SHANK1: variants seen among roughly 807,000 people sequenced by gnomAD.
SHANK1 encodes the protein SH3 and multiple ankyrin repeat domains 1, also known as SH3 and multiple ankyrin repeat domains protein 1.
In SHANK1, 35 loss-of-function variants were observed where a neutral mutation model predicts 165.6. That is an observed-to-expected ratio of 0.21 (90% confidence interval 0.16 to 0.28). The LOEUF is 0.28. Among genes scored for constraint, SHANK1 ranks in the 10% least tolerant of loss-of-function variants. The pLI, the probability that SHANK1 is intolerant of heterozygous loss-of-function variation, is 1.00. For synonymous variants in SHANK1, 1,428 were observed against 1,384.8 expected (o/e 1.03, Z -0.69); for missense variants, 2,681 against 3,036.4 (o/e 0.88, Z 2.75).
intron 21 of SHANK1, among the ~76,000 whole-genome samples, chr19:50,678,715 A>C (rs1443482157): frequency 1.8e-5 from 2 of 108,788 alleles, no homozygotes; most frequent in East Asian, 5.9e-4. Flanking sequence ...AAAGAGAGAC[A>C]GTGGAGGAGT....
intron 8 of SHANK1, among the ~76,000 whole-genome samples, chr19:50,705,727 A>C (rs2123182286): frequency 6.6e-6 from 1 of 152,332 alleles, no homozygotes; most frequent in African/African-American, 2.4e-5. Context: ...CCACAGGTCT[A>C]GACCTTACGG....
In SHANK1 at chr19:50,659,939, T is replaced by TC. The variant is rs1387583344; in HGVS notation, c.*2025dup. On this transcript the variant is annotated 3_prime_UTR_variant, in exon 24 of 24. Transcript: ENST00000293441. Reference sequence around the variant, plus strand: ...GCCTCTGCCCCTCTCTCACCACCCCTCCCCCCTCCCACGACCCTCCCACGA... The same window carrying TC: ...GCCTCTGCCCCTCTCTCACCACCCCTCCCCCCCTCCCACGACCCTCCCACGA... 6.9e-6 allele frequency among the ~76,000 whole-genome samples: 1 copy of TC among 144,326 alleles called. No homozygotes were observed. Among genetic ancestry groups the TC allele is most frequent in the African/African-American group, 2.6e-5 (1 of 38,544 alleles). 94.7% of individuals were successfully genotyped at this position (144,326 alleles called of 152,430 possible). A position where few individuals can be genotyped will look rare whatever the true frequency, so the allele number is the denominator to read the frequency against.
rs1026546589 is a variant in SHANK1 at position 50,660,277 on chromosome 19, C to G, written c.*1688G>C. ...GCCATGCTGGAGGGAGAGGGAGCTT[C>G]TTGGAGTGGACAGGTTAGGAGAGGG... On this transcript the variant is annotated 3_prime_UTR_variant, in exon 24 of 24. Coordinates refer to ENST00000293441, the MANE Select transcript of SHANK1 (RefSeq NM_016148.5). Among the ~76,000 whole-genome samples the G allele has an allele frequency of 5.9e-5, 9 of 151,952 alleles. No homozygotes were observed. Among genetic ancestry groups the G allele is most frequent in the African/African-American group, 2.2e-4 (9 of 41,464 alleles).
chr19:50,689,281 TG>T lies in SHANK1; in HGVS notation c.1965-3del. ...GTCTTCTCCTTAATGATGTAATCGC[TG>T]GCAGGGAGGCAGGAGAAATGGGGGG... On this transcript the variant is annotated splice_polypyrimidine_tract_variant and splice_region_variant and intron_variant, in intron 15 of 23. Transcript: ENST00000293441. 6.6e-7 allele frequency: 1 copy of T among 1,520,106 alleles called. No individual in the cohort carries two copies. Among genetic ancestry groups the T allele is most frequent in the Non-Finnish European group, 9.0e-7 (1 of 1,113,256 alleles). The allele number at this position is 1,520,106 out of a possible 1,614,324, so 94.2% of individuals were successfully genotyped here.
In SHANK1 at chr19:50,668,429, G is replaced by A; in HGVS notation, c.3531C>T (p.Thr1177=). The A allele has an allele frequency of 1.5e-6, 2 of 1,327,348 alleles. No homozygotes were observed. Among genetic ancestry groups the A allele is most frequent in the East Asian group, 2.9e-5 (1 of 34,968 alleles). The allele number at this position is 1,327,348 out of a possible 1,614,324, so 82.2% of individuals were successfully genotyped here. The stretch of plus-strand genomic sequence containing the variant: ...CCGGCTGGGTGGGGGGCTCCGCCTC[G>A]GTGCTGCTGCCCTGGCTGCTGCGGC... ...SSGRSSQGSS[T]EAEPPTQPEP... is the part of the protein sequence containing the mutation. Residue 1177 remains threonine, a synonymous_variant, in exon 23 of 24, where the codon ACC becomes ACT. Transcript: ENST00000293441.
In SHANK1 at chr19:50,694,775, AGGGGAAGGGGCGGGTTG is replaced by A. The variant is rs1452016070; in HGVS notation, c.1964+2304_1964+2320del. 3.4e-4 allele frequency among the ~76,000 whole-genome samples: 4 copies of A among 11,826 alleles called. No homozygotes were observed. In the South Asian group the frequency reaches 7.2e-3, roughly 21 times the overall value. 7.8% of individuals were successfully genotyped at this position (11,826 alleles called of 152,430 possible). ...AGAGAAGGTTAGGGAAGAGGAGCGG[AGGGGAAGGGGCGGGTTG>A]GGGGAAGGGGAAAGGCCCTGGGGCT... On this transcript the variant is annotated intron_variant, in intron 15 of 23. Coordinates refer to ENST00000293441, the MANE Select transcript of SHANK1 (RefSeq NM_016148.5).
Position 50,667,747 on chromosome 19 carries a change from G to A in SHANK1, c.4213C>T (p.Leu1405=), listed in dbSNP as rs745404398. 11 of 1,296,498 alleles carry A rather than the reference G, an allele frequency of 8.5e-6. No individual in the cohort carries two copies. Among genetic ancestry groups the A allele is most frequent in the South Asian group, 2.2e-5 (1 of 46,062 alleles). The allele number at this position is 1,296,498 out of a possible 1,614,324, so 80.3% of individuals were successfully genotyped here. A position where few individuals can be genotyped will look rare whatever the true frequency, so the allele number is the denominator to read the frequency against. The change falls in exon 23 of 24, where the codon CTG becomes TTG. Residue 1405 remains leucine, a synonymous_variant. Transcript: ENST00000293441. This position sits in a 1 kb window ranked among gnomAD's most constrained non-coding sequence, Gnocchi z 5.7. ...HSPHAHHEPV[L]RLWGASPPDP... is the part of the protein sequence containing the mutation. ...GGCGGGGAGGCCCCCCAGAGACGCA[G>A]CACTGGCTCGTGGTGGGCGTGGGGC...
In SHANK1 at chr19:50,673,958, A is replaced by G. The variant is rs1370798543; in HGVS notation, c.2578-1844T>C. Among the ~76,000 whole-genome samples, 6 of 152,010 alleles carry G rather than the reference A, an allele frequency of 3.9e-5. No homozygotes were observed. In the East Asian group the frequency reaches 1.2e-3, roughly 30 times the overall value. On this transcript the variant is annotated intron_variant, in intron 21 of 23. Transcript: ENST00000293441. The stretch of plus-strand genomic sequence containing the variant: ...AGGCAGGCACAATCACATCCAGTTA[A>G]TTTTTAAATTTTTTTGCAGAGGCGA...
chr19:50,699,051 A>G (rs760676872), intron 12 of SHANK1, among the ~76,000 whole-genome samples: 1 of 152,226 alleles, frequency 6.6e-6, no homozygotes, highest in Non-Finnish European at 1.5e-5. Flanking sequence ...CAGCTATGCT[A>G]GGGGTTGAGT....
Position 50,661,870 on chromosome 19 carries a change from T to TG in SHANK1, c.*94dup, listed in dbSNP as rs1985240410. 7.1e-7 allele frequency: 1 copy of TG among 1,416,244 alleles called. No individual in the cohort carries two copies. Among genetic ancestry groups the TG allele is most frequent in the Non-Finnish European group, 9.8e-7 (1 of 1,019,296 alleles). 87.7% of individuals were successfully genotyped at this position (1,416,244 alleles called of 1,614,324 possible). ...CAGGGCGCAGTTTGAACAGAGTCCC[T>TG]GGCCCGGGGAGAGAATGACAGTCAG... On this transcript the variant is annotated 3_prime_UTR_variant, in exon 24 of 24. Coordinates refer to ENST00000293441, the MANE Select transcript of SHANK1 (RefSeq NM_016148.5).
chr19:50,695,193 G>T (rs1477781190), intron 15 of SHANK1, among the ~76,000 whole-genome samples: 1 of 144,276 alleles, frequency 6.9e-6, no homozygotes, highest in Non-Finnish European at 1.5e-5. Flanking sequence ...GGGGGAGGGG[G>T]AGGGGGCGCG....
chr19:50,706,797 G>A (rs965110803), intron 8 of SHANK1, among the ~76,000 whole-genome samples: 2 of 151,368 alleles, frequency 1.3e-5, no homozygotes, highest in Non-Finnish European at 2.9e-5. Flanking sequence ...ATTTTTTTGA[G>A]ATGGAGTTTC....
chr19:50,689,228 C>T lies in SHANK1; in HGVS notation c.2016G>A (p.Glu672=). The T allele has an allele frequency of 6.2e-7, 1 of 1,612,708 alleles. No individual in the cohort carries two copies. Among genetic ancestry groups the T allele is most frequent in the South Asian group, 1.1e-5 (1 of 90,944 alleles). The change falls in exon 16 of 24, where the codon GAG becomes GAA. Residue 672 remains glutamate (E), a synonymous_variant. Coordinates refer to ENST00000293441, the MANE Select transcript of SHANK1 (RefSeq NM_016148.5). ...KTVLLQKKDS[E]GFGFVLRGAK... is the part of the protein sequence containing the mutation. ...CCCCCCGGAGCACGAACCCAAACCC[C>T]TCACTGTCCTTCTTCTGCAGCAAGA...
Position 50,669,185 on chromosome 19 carries a change from G to C in SHANK1, c.2775C>G (p.Thr925=). ...PGSEDIPPPP[T]TSPPEPPYST... is the part of the protein sequence containing the mutation. ...TGTAGGGAGGCTCCGGTGGGGACGT[G>C]GTGGGTGGCGGGGGAATGTCCTCCG... Residue 925 remains threonine, a synonymous_variant, in exon 23 of 24, where the codon ACC becomes ACG. Coordinates refer to ENST00000293441, the MANE Select transcript of SHANK1 (RefSeq NM_016148.5). 1 of 1,605,270 alleles carries C rather than the reference G, an allele frequency of 6.2e-7. No individual in the cohort carries two copies. Among genetic ancestry groups the C allele is most frequent in the Non-Finnish European group, 8.5e-7 (1 of 1,176,016 alleles).
chr19:50,687,458 G>C, intron 19 of SHANK1, 124 bp downstream of exon 19: 2 of 711,636 alleles, frequency 2.8e-6, no homozygotes, highest in South Asian at 3.9e-5. Flanking sequence ...CCGACCCATG[G>C]ACTGGGGACA....
At position 50,661,746 on chromosome 19, in the gene SHANK1, CA is replaced by C; in HGVS notation, c.*218del. On this transcript the variant is annotated 3_prime_UTR_variant, in exon 24 of 24. Transcript: ENST00000293441. ...CCCCCTCCGCTCCCCGCTTCACACACACACACACACTCTTGTGTCAGCTGCC... is the reference window on the plus strand; with the variant it reads ...CCCCCTCCGCTCCCCGCTTCACACACCACACACACTCTTGTGTCAGCTGCC... The C allele has an allele frequency of 1.0e-5, 6 of 583,914 alleles. No individual in the cohort carries two copies. The highest frequency in any genetic ancestry group is 4.1e-5 in the South Asian group (2 of 48,536). The allele number at this position is 583,914 out of a possible 1,614,324, so 36.2% of individuals were successfully genotyped here.
At chr19:50,692,082 A>T (rs1335465523) in intron 15 of SHANK1, among the ~76,000 whole-genome samples, 1 of 152,024 alleles carries the variant, frequency 6.6e-6, no homozygotes, top group Non-Finnish European at 1.5e-5. Flanking sequence ...AATACCCAAG[A>T]GAATACTCGG....
At chr19:50,673,949 A>T (rs1407740904) in intron 21 of SHANK1, among the ~76,000 whole-genome samples, 1 of 151,710 alleles carries the variant, frequency 6.6e-6, no homozygotes, top group Non-Finnish European at 1.5e-5. Flanking sequence ...GCACAATCAC[A>T]TCCAGTTAAT....
chr19:50,674,205 A>AGTCCCCG (rs1167491028), intron 21 of SHANK1, among the ~76,000 whole-genome samples: 1 of 151,618 alleles, frequency 6.6e-6, no homozygotes, highest in Admixed American at 6.6e-5. Context: ...TTTCCTACTG[A>AGTCCCCG]GTCCCCGGTC....
Sources: allele counts gnomAD v4.1 joint callset (sites outside exome capture counted in the v4.1 genomes callset), GRCh38; gene constraint gnomAD v4.1.1; non-coding constraint Gnocchi (gnomAD v3.1); transcripts MANE v1.5; gene names NCBI Gene and HGNC (gene_info 2026-07-23, HGNC 2026-07-21).